The following FSTL5 variants were observed in gnomAD, a reference collection of about 807,000 sequenced individuals.
FSTL5 encodes the protein follistatin-related protein 5.
In FSTL5, 62 loss-of-function variants were observed where a neutral mutation model predicts 89.1. That is an observed-to-expected ratio of 0.70 (90% confidence interval 0.57 to 0.86). FSTL5 has a LOEUF of 0.86. Ranked by LOEUF, FSTL5 falls within the 40% of genes least tolerant of loss-of-function variation. The probability of loss-of-function intolerance (pLI) is 0.00; values close to 1 mark genes in which losing one functional copy is unlikely to be tolerated. For missense variants in FSTL5, 1,057 were observed against 1,001.6 expected, an observed-to-expected ratio of 1.06 and a Z score of -0.75; for synonymous variants, 383 against 346.2, an observed-to-expected ratio of 1.11 and a Z score of -1.18.
At chr4:162,085,799 T>A (rs1466808823) in intron 2 of FSTL5, among the ~76,000 whole-genome samples, 1 of 152,146 alleles carries the variant, frequency 6.6e-6, no homozygotes, top group Non-Finnish European at 1.5e-5. Flanking sequence ...CTACAAGGAT[T>A]CAGTCTCTTG....
At chr4:161,675,061 A>T (rs116004734) in intron 6 of FSTL5, among the ~76,000 whole-genome samples, 1,976 of 152,286 alleles carry the variant, frequency 0.013, 49 homozygotes, top group African/African-American at 0.045. Flanking sequence ...ACAAGAATAT[A>T]GATAAAGCAG....
intron 1 of FSTL5, among the ~76,000 whole-genome samples, chr4:162,133,142 G>A (rs572997987): frequency 1.6e-3 from 239 of 152,250 alleles, no homozygotes; most frequent in Middle Eastern, 3.4e-3. Flanking sequence ...GTAGAGACGG[G>A]GTTTCACTGT....
intron 12 of FSTL5, among the ~76,000 whole-genome samples, chr4:161,486,719 T>C (rs778331488): frequency 2.9e-4 from 44 of 152,286 alleles, no homozygotes; most frequent in Non-Finnish European, 5.0e-4. Flanking sequence ...GATTGCATCA[T>C]AGGAAATACA....
chr4:162,034,561 C>T (rs529700807), intron 2 of FSTL5, among the ~76,000 whole-genome samples: 1 of 152,216 alleles, frequency 6.6e-6, no homozygotes, highest in East Asian at 1.9e-4. Flanking sequence ...AAAGAATTAG[C>T]TTGCTTTCAA....
intron 15 of FSTL5, among the ~76,000 whole-genome samples, chr4:161,423,465 G>A (rs533009658): frequency 6.6e-5 from 10 of 152,030 alleles, no homozygotes; most frequent in East Asian, 5.8e-4. Context: ...AAAATTTTTC[G>A]TTATGTTTTT....
intron 2 of FSTL5, among the ~76,000 whole-genome samples, chr4:162,055,852 G>T (rs1425152239): frequency 6.6e-6 from 1 of 151,702 alleles, no homozygotes; most frequent in Non-Finnish European, 1.5e-5. Context: ...CTGGGGAAAG[G>T]ATAAATTATA....
intron 5 of FSTL5, among the ~76,000 whole-genome samples, chr4:161,762,890 G>A (rs1740856602): frequency 6.6e-6 from 1 of 152,086 alleles, no homozygotes; most frequent in South Asian, 2.1e-4. Flanking sequence ...AAAAACAGAA[G>A]TATTAGCAGA....
At chr4:161,534,136 A>T (rs1731514973) in intron 10 of FSTL5, among the ~76,000 whole-genome samples, 1 of 152,158 alleles carries the variant, frequency 6.6e-6, no homozygotes, top group Non-Finnish European at 1.5e-5. Context: ...CTGAATGCGC[A>T]AAAGCTGGAA....
chr4:162,114,941 A>G (rs1731579821), intron 1 of FSTL5, among the ~76,000 whole-genome samples: 1 of 152,196 alleles, frequency 6.6e-6, no homozygotes, highest in Non-Finnish European at 1.5e-5. Context: ...ATAAATATAC[A>G]TATATGCTTT....
intron 7 of FSTL5, among the ~76,000 whole-genome samples, chr4:161,623,244 T>C (rs1735206059): frequency 2.0e-5 from 3 of 152,006 alleles, no homozygotes; most frequent in African/African-American, 7.2e-5. Flanking sequence ...ATAACTTTCA[T>C]TGAATTTTGT....
chr4:162,088,496 T>C (rs974140208), intron 2 of FSTL5, among the ~76,000 whole-genome samples: 3 of 152,092 alleles, frequency 2.0e-5, no homozygotes, highest in Non-Finnish European at 2.9e-5. Flanking sequence ...CTCAATAAGT[T>C]AGTCGAAGTA....
intron 3 of FSTL5, among the ~76,000 whole-genome samples, chr4:161,931,441 G>A (rs1283213923): frequency 6.6e-6 from 1 of 151,858 alleles, no homozygotes; most frequent in Non-Finnish European, 1.5e-5. Context: ...AAAAGGAAAG[G>A]AGTTAAGAGT....
Position 161,577,341 on chromosome 4 carries a change from A to G in FSTL5, c.1015+10114T>C, listed in dbSNP as rs1349657900. On this transcript the variant is annotated intron_variant, in intron 8 of 15. Transcript: ENST00000306100. ...TTGACATGATAGAGAAGGTTATGGT[A>G]GAAAACTTGTAACTTAAAACTTGTA... Among the ~76,000 whole-genome samples the G allele has an allele frequency of 2.0e-5, 3 of 152,262 alleles. No homozygotes were observed. The East Asian group carries it at 5.8e-4, about 29-fold the overall frequency.
intron 2 of FSTL5, among the ~76,000 whole-genome samples, chr4:162,059,017 A>C (rs1267404827): frequency 2.0e-5 from 3 of 152,182 alleles, no homozygotes; most frequent in Non-Finnish European, 4.4e-5. Flanking sequence ...GAAAAGAAAT[A>C]CCATTTCAAA....
intron 3 of FSTL5, among the ~76,000 whole-genome samples, chr4:162,014,006 T>A (rs1054047001): frequency 3.3e-5 from 5 of 152,114 alleles, no homozygotes; most frequent in African/African-American, 9.7e-5. Context: ...GCCACATCAC[T>A]CGCAGAGCCT....
At position 162,013,199 on chromosome 4, in the gene FSTL5, A is replaced by AT. The variant is rs142910851; in HGVS notation, c.160+20425dup. 1.3e-3 allele frequency among the ~76,000 whole-genome samples: 195 copies of AT among 150,484 alleles called. 2 individuals are homozygous for AT. Among genetic ancestry groups the AT allele is most frequent in the African/African-American group, 4.6e-3 (187 of 40,400 alleles). On this transcript the variant is annotated intron_variant, in intron 3 of 15. Coordinates refer to ENST00000306100, the MANE Select transcript of FSTL5 (RefSeq NM_020116.5). ...GACTCTGTCTTAAAAAAAAAAAAAA[A>AT]TTTTCAGTATACCTTCACAATGTCT...
At chr4:161,453,239 A>T (rs1226661418) in intron 15 of FSTL5, among the ~76,000 whole-genome samples, 1 of 152,242 alleles carries the variant, frequency 6.6e-6, no homozygotes, top group Non-Finnish European at 1.5e-5. Context: ...ATTTTTAAAA[A>T]ATAAGCAAGG....
intron 4 of FSTL5, among the ~76,000 whole-genome samples, chr4:161,912,476 A>C (rs930006307): frequency 1.3e-5 from 2 of 152,118 alleles, no homozygotes; most frequent in Non-Finnish European, 2.9e-5. Context: ...TGGGTTTATC[A>C]GGGGGTTATG....
chr4:161,460,224 C>A (rs1242891701), intron 13 of FSTL5, among the ~76,000 whole-genome samples: 2 of 151,644 alleles, frequency 1.3e-5, no homozygotes, highest in African/African-American at 2.4e-5. Flanking sequence ...TCTTTTTTTT[C>A]TTTTTTCTTT....
Sources: gnomAD v4.1 joint callset for allele counts (sites outside exome capture counted in the v4.1 genomes callset) on GRCh38, gnomAD v4.1.1 for gene constraint, MANE v1.5 for transcripts, NCBI Gene and HGNC (gene_info 2026-07-23, HGNC 2026-07-21) for gene names.